The following MAP3K3 variants were observed in gnomAD, a reference collection of about 807,000 sequenced individuals.
MAP3K3 encodes mitogen-activated protein kinase kinase kinase 3, also known as MAP/ERK kinase kinase 3.
MAP3K3 carries 12 observed loss-of-function variants against 80.9 expected under a neutral mutation model. The observed-to-expected ratio is 0.15, with a 90% CI of 0.10 to 0.24. The LOEUF is 0.24. Among genes scored for constraint, MAP3K3 ranks in the 10% least tolerant of loss-of-function variants. MAP3K3 has a pLI of 1.00. For synonymous variants in MAP3K3, 272 were observed against 307.1 expected (o/e 0.89, Z 1.19); for missense variants, 596 against 834.7 (o/e 0.71, Z 3.52).
intron 8 of MAP3K3, among the ~76,000 whole-genome samples, chr17:63,686,815 G>C (rs1265974643): frequency 6.6e-6 from 1 of 152,136 alleles, no homozygotes; most frequent in Non-Finnish European, 1.5e-5. Flanking sequence ...TTATTTCCTT[G>C]AGGTCCAGCC....
chr17:63,656,874 G>T (rs113406243), intron 4 of MAP3K3, among the ~76,000 whole-genome samples: 1,967 of 152,198 alleles, frequency 0.013, 45 homozygotes, highest in African/African-American at 0.045. Context: ...TCACAGTTCA[G>T]CATGGCTGGG....
Position 63,691,986 on chromosome 17 carries a change from C to T in MAP3K3, c.1474+124C>T, listed in dbSNP as rs1241304188. The T allele has an allele frequency of 2.6e-6, 3 of 1,146,166 alleles. No individual in the cohort carries two copies. The highest frequency in any genetic ancestry group is 1.5e-5 in the African/African-American group (1 of 64,778). The allele number at this position is 1,146,166 out of a possible 1,614,324, so 71.0% of individuals were successfully genotyped here. On this transcript the variant is annotated intron_variant, in intron 14 of 15. Transcript: ENST00000361733. This position sits in a 1 kb window ranked among gnomAD's most constrained non-coding sequence, Gnocchi z 4.8. Reference sequence around the variant, plus strand: ...GAAAAGTGGGACCCCAGTTGTTTCCCTGAGGAACTGGTGAGATTGGTTGAG... The same window carrying T: ...GAAAAGTGGGACCCCAGTTGTTTCCTTGAGGAACTGGTGAGATTGGTTGAG...
intron 6 of MAP3K3, among the ~76,000 whole-genome samples, chr17:63,674,697 G>C (rs2035181361): frequency 6.6e-6 from 1 of 152,106 alleles, no homozygotes; most frequent in Non-Finnish European, 1.5e-5. Context: ...TGAAGGGAGG[G>C]ATAAAGACAG....
intron 7 of MAP3K3, among the ~76,000 whole-genome samples, chr17:63,685,244 C>T (rs1171111309): frequency 1.3e-5 from 2 of 152,186 alleles, no homozygotes; most frequent in South Asian, 2.1e-4. Context: ...GAGCCAAGAA[C>T]ATGCCAACAA....
chr17:63,674,433 A>G lies in MAP3K3; in HGVS notation c.503-7333A>G, dbSNP rs532443432. On this transcript the variant is annotated intron_variant, in intron 6 of 15. Transcript: ENST00000361733. ...CAGGCTGGAGTGCAGTGGTGCCATC[A>G]TGGCTCACTGCAGCCTCAACCACCG... Among the ~76,000 whole-genome samples, 9 of 152,196 alleles carry G rather than the reference A, an allele frequency of 5.9e-5. No individual in the cohort carries two copies. In the South Asian group the frequency reaches 6.2e-4, roughly 11 times the overall value.
At chr17:63,633,662 T>C (rs1295511061) in intron 2 of MAP3K3, among the ~76,000 whole-genome samples, 1 of 152,228 alleles carries the variant, frequency 6.6e-6, no homozygotes, top group Admixed American at 6.5e-5. Flanking sequence ...TTGTGTGTCA[T>C]TGACAATCTT....
At chr17:63,662,966 C>T (rs913540554) in intron 5 of MAP3K3, among the ~76,000 whole-genome samples, 14 of 151,850 alleles carry the variant, frequency 9.2e-5, no homozygotes, top group Middle Eastern at 6.8e-3. Flanking sequence ...TGAGCCACCA[C>T]GCCCGGCCCC....
chr17:63,625,303 AT>A (rs2034077927), intron 1 of MAP3K3, among the ~76,000 whole-genome samples: 1 of 151,530 alleles, frequency 6.6e-6, no homozygotes, highest in Non-Finnish European at 1.5e-5. Flanking sequence ...TTTTGCTTTG[AT>A]ACTATGTGGC....
At chr17:63,685,464 C>T in intron 7 of MAP3K3, 53 bp from the exon 8 acceptor site, 2 of 1,437,868 alleles carry the variant, frequency 1.4e-6, no homozygotes, top group Non-Finnish European at 2.0e-6. Context: ...GCCTGGGTCA[C>T]TGGGGGGAAT....
At chr17:63,630,707 C>T (rs370624784) in intron 1 of MAP3K3, among the ~76,000 whole-genome samples, 1 of 152,138 alleles carries the variant, frequency 6.6e-6, no homozygotes, top group Admixed American at 6.6e-5. Flanking sequence ...GTTAATTTGA[C>T]AGATGTCTTT....
chr17:63,632,394 A>C (rs1857260162), intron 1 of MAP3K3, among the ~76,000 whole-genome samples: 1 of 152,172 alleles, frequency 6.6e-6, no homozygotes, highest in Admixed American at 6.5e-5. Flanking sequence ...CAGGAGGCTG[A>C]TGTGGGAAGG....
chr17:63,627,872 A>T (rs141481711), intron 1 of MAP3K3, among the ~76,000 whole-genome samples: 4 of 149,740 alleles, frequency 2.7e-5, no homozygotes, highest in Non-Finnish European at 4.4e-5. Flanking sequence ...GTGTGAGCCA[A>T]TGCGCCCGGC....
rs945442099 is a variant in MAP3K3, at chr17:63,692,607, C to G, written c.1652+188C>G. Among the ~76,000 whole-genome samples, 40 of 152,310 alleles carry G rather than the reference C, an allele frequency of 2.6e-4. No individual in the cohort carries two copies. Among genetic ancestry groups the G allele is most frequent in the African/African-American group, 8.9e-4 (37 of 41,558 alleles). ...ACATGGGTGGTGCTCAAAGCACACTCCATTAGAGCTGGGAACTTAGGCCAT... is the reference window on the plus strand; with the variant it reads ...ACATGGGTGGTGCTCAAAGCACACTGCATTAGAGCTGGGAACTTAGGCCAT... On this transcript the variant is annotated intron_variant, in intron 15 of 15. Coordinates refer to ENST00000361733, the MANE Select transcript of MAP3K3 (RefSeq NM_002401.5). This position sits in a 1 kb window ranked among gnomAD's most constrained non-coding sequence, Gnocchi z 4.5.
chr17:63,653,946 A>C (rs2034711313), intron 4 of MAP3K3, among the ~76,000 whole-genome samples: 1 of 152,070 alleles, frequency 6.6e-6, no homozygotes, highest in East Asian at 1.9e-4. Flanking sequence ...GGCTCACTGC[A>C]GCCTTGACCT....
At position 63,694,657 on chromosome 17, in the gene MAP3K3, C is replaced by T. The variant is rs561215005; in HGVS notation, c.*880C>T. On this transcript the variant is annotated 3_prime_UTR_variant, in exon 16 of 16. Transcript: ENST00000361733. The stretch of plus-strand genomic sequence containing the variant: ...CGCTCCTGGCCCAGCCTTTGTTCCC[C>T]ACTGGAGCAGAAGGGGAGATGGACG... 5.9e-5 allele frequency: 9 copies of T among 152,870 alleles called. No individual in the cohort carries two copies. In the East Asian group the frequency reaches 1.7e-3, roughly 29 times the overall value. The allele number at this position is 152,870 out of a possible 1,614,324, so 9.5% of individuals were successfully genotyped here.
intron 2 of MAP3K3, among the ~76,000 whole-genome samples, chr17:63,641,925 T>C (rs2034451330): frequency 6.6e-6 from 1 of 152,112 alleles, no homozygotes. Flanking sequence ...TGTGCTGGGA[T>C]AGAGTCACAG....
intron 5 of MAP3K3, among the ~76,000 whole-genome samples, chr17:63,666,658 C>T (rs957037301): frequency 6.6e-6 from 1 of 152,170 alleles, no homozygotes; most frequent in Non-Finnish European, 1.5e-5. Context: ...CAGATTATTA[C>T]AGGAATGCCT....
chr17:63,631,422 T>C (rs2034213753), intron 1 of MAP3K3, among the ~76,000 whole-genome samples: 1 of 152,220 alleles, frequency 6.6e-6, no homozygotes, highest in Non-Finnish European at 1.5e-5. Flanking sequence ...GGGTAGAAGA[T>C]AGGCACTCTC....
intron 2 of MAP3K3, among the ~76,000 whole-genome samples, chr17:63,635,621 T>C (rs1349811355): frequency 6.6e-6 from 1 of 152,142 alleles, no homozygotes; most frequent in African/African-American, 2.4e-5. Context: ...GGGAAGATGT[T>C]GGGGAGAGGT....
Sources: allele counts gnomAD v4.1 joint callset (sites outside exome capture counted in the v4.1 genomes callset), GRCh38; gene constraint gnomAD v4.1.1; non-coding constraint Gnocchi (gnomAD v3.1); transcripts MANE v1.5; gene names NCBI Gene and HGNC (gene_info 2026-07-23, HGNC 2026-07-21).